VPS8: variants seen among roughly 807,000 people sequenced by gnomAD.
VPS8 encodes VPS8 subunit of CORVET complex.
VPS8 carries 129 observed loss-of-function variants against 216.4 expected under a neutral mutation model. The observed-to-expected ratio is 0.60, with a 90% CI of 0.52 to 0.69. The LOEUF is 0.69. Among genes scored for constraint, VPS8 ranks in the 30% least tolerant of loss-of-function variants. The pLI is 0.00. For missense variants in VPS8, 1,531 were observed against 1,683.5 expected (o/e 0.91, Z 1.59); for synonymous variants, 571 against 565.4 (o/e 1.01, Z -0.14).
At chr3:184,940,125 G>T in intron 35 of VPS8, 72 bp from the exon 36 acceptor site, 5 of 872,270 alleles carry the variant, frequency 5.7e-6, no homozygotes, top group Non-Finnish European at 8.5e-6. Flanking sequence ...GGTTAAAGTA[G>T]TTCTTTACCA....
At chr3:184,945,215 T>C (rs1743473853) in intron 36 of VPS8, among the ~76,000 whole-genome samples, 1 of 151,994 alleles carries the variant, frequency 6.6e-6, no homozygotes, top group South Asian at 2.1e-4. Context: ...TTTATTCCTT[T>C]AATCAGTACT....
intron 4 of VPS8, among the ~76,000 whole-genome samples, chr3:184,833,774 G>A (rs143767602): frequency 1.3e-5 from 2 of 152,236 alleles, no homozygotes; most frequent in East Asian, 3.9e-4. Flanking sequence ...CAAACTCCTA[G>A]TCATCCATCA....
chr3:184,899,501 C>T (rs1734098780), intron 24 of VPS8, among the ~76,000 whole-genome samples: 2 of 152,216 alleles, frequency 1.3e-5, no homozygotes, highest in Admixed American at 6.5e-5. Flanking sequence ...TTTGGTTGCA[C>T]CTCTCTTCTT....
chr3:184,836,356 A>G (rs1248184476), intron 5 of VPS8: 2 of 455,998 alleles, frequency 4.4e-6, no homozygotes, highest in Non-Finnish European at 8.8e-6. Context: ...CATTCCTTTC[A>G]AAATCAAGAT....
At chr3:184,912,060 T>C (rs571185274) in intron 25 of VPS8, among the ~76,000 whole-genome samples, 1 of 152,336 alleles carries the variant, frequency 6.6e-6, no homozygotes, top group Non-Finnish European at 1.5e-5. Context: ...TTCGTCCTTT[T>C]AATTTTTTTG....
chr3:184,874,875 A>G (rs1020229098), intron 21 of VPS8, among the ~76,000 whole-genome samples: 6 of 152,146 alleles, frequency 3.9e-5, no homozygotes, highest in Non-Finnish European at 2.9e-5. Flanking sequence ...AGGCTGTCCT[A>G]TGGGATTAGC....
intron 42 of VPS8, among the ~76,000 whole-genome samples, chr3:184,992,396 A>C (rs1364171609): frequency 6.6e-6 from 1 of 152,126 alleles, no homozygotes; most frequent in Non-Finnish European, 1.5e-5. Context: ...TTTATTACTT[A>C]ATTTATTAGT....
intron 46 of VPS8, among the ~76,000 whole-genome samples, chr3:185,042,540 C>G (rs1372840626): frequency 6.6e-6 from 1 of 152,226 alleles, no homozygotes; most frequent in Non-Finnish European, 1.5e-5. Flanking sequence ...TGGTCCTGCT[C>G]TCTGTCCTGG....
At chr3:184,989,969 A>G (rs543517698) in intron 42 of VPS8, among the ~76,000 whole-genome samples, 51 of 152,198 alleles carry the variant, frequency 3.4e-4, no homozygotes, top group African/African-American at 1.2e-3. Flanking sequence ...GCTACTCGGG[A>G]GGCTGAGGCA....
intron 8 of VPS8, 60 bp downstream of exon 8, chr3:184,843,305 G>GCATTCTCTTCCA: frequency 8.0e-7 from 1 of 1,252,858 alleles, no homozygotes; most frequent in Non-Finnish European, 1.1e-6. Context: ...AATGTTGGAA[G>GCATTCTCTTCCA]AGAATGCTAC....
intron 42 of VPS8, among the ~76,000 whole-genome samples, chr3:184,984,442 T>G (rs1750757814): frequency 6.6e-6 from 1 of 151,506 alleles, no homozygotes; most frequent in African/African-American, 2.4e-5. Flanking sequence ...TAGAGGCATG[T>G]GCCACCACGC....
intron 42 of VPS8, among the ~76,000 whole-genome samples, chr3:184,987,908 T>C (rs952881900): frequency 3.9e-5 from 6 of 152,260 alleles, no homozygotes; most frequent in African/African-American, 1.4e-4. Flanking sequence ...GTCAGTGTTT[T>C]GGATTTTAGA....
intron 42 of VPS8, among the ~76,000 whole-genome samples, chr3:184,983,955 C>T (rs530098072): frequency 2.0e-4 from 30 of 151,334 alleles, no homozygotes; most frequent in African/African-American, 6.8e-4. Context: ...GAAGCCGAGG[C>T]GGGCGGATCA....
chr3:184,914,924 G>A (rs373153486), intron 26 of VPS8, 57 bp from the exon 27 acceptor site: 19 of 1,504,470 alleles, frequency 1.3e-5, no homozygotes, highest in East Asian at 9.0e-5. Context: ...TGTGTTACTC[G>A]CTTGAAAGTT....
intron 2 of VPS8, 118 bp downstream of exon 2, chr3:184,824,903 T>G: frequency 2.1e-6 from 2 of 949,150 alleles, no homozygotes; most frequent in Non-Finnish European, 3.1e-6. Flanking sequence ...AGTCTGTGTA[T>G]AATTTTTTTT....
intron 25 of VPS8, among the ~76,000 whole-genome samples, chr3:184,904,969 A>G (rs1339520164): frequency 6.6e-6 from 1 of 152,218 alleles, no homozygotes; most frequent in African/African-American, 2.4e-5. Flanking sequence ...GAAGTCCAAA[A>G]TCAAGGTGCT....
At chr3:184,831,404 G>A (rs567386579) in intron 3 of VPS8, among the ~76,000 whole-genome samples, 2 of 152,314 alleles carry the variant, frequency 1.3e-5, no homozygotes, top group Middle Eastern at 3.4e-3. Flanking sequence ...CAGCAAGGTC[G>A]GTAGGAGCTT....
chr3:185,006,832 C>T (rs530387073), intron 45 of VPS8, among the ~76,000 whole-genome samples: 1 of 59,814 alleles, frequency 1.7e-5, no homozygotes, highest in African/African-American at 4.0e-5. Flanking sequence ...GTAATGCAGT[C>T]CTTCTGTCAA....
At chr3:184,864,339 C>T (rs1726939969) in intron 16 of VPS8, among the ~76,000 whole-genome samples, 1 of 152,086 alleles carries the variant, frequency 6.6e-6, no homozygotes. Context: ...TGGAAGACTC[C>T]ATGATTTGAG....
Sources: allele counts gnomAD v4.1 joint callset (sites outside exome capture counted in the v4.1 genomes callset), GRCh38; gene constraint gnomAD v4.1.1; transcripts MANE v1.5; gene names NCBI Gene and HGNC (gene_info 2026-07-23, HGNC 2026-07-21).